The following PBX4 variants were observed in gnomAD, a reference collection of about 807,000 sequenced individuals.
PBX4 encodes the protein PBX homeobox 4.
A neutral mutation model predicts 35.1 loss-of-function variants in PBX4; 26 were observed. That is an observed-to-expected ratio of 0.74 (90% CI 0.54 to 1.03). PBX4 has a LOEUF of 1.03. Among genes scored for constraint, PBX4 ranks in the 50% least tolerant of loss-of-function variants. The pLI is 0.00. For missense variants in PBX4, 448 were observed against 504.3 expected (o/e 0.89, Z 1.07); for synonymous variants, 199 against 204.2 (o/e 0.97, Z 0.22).
intron 2 of PBX4, chr19:19,588,105 C>A: frequency 6.3e-6 from 6 of 948,784 alleles, no homozygotes; most frequent in Non-Finnish European, 8.4e-6. Flanking sequence ...CTTCTTGAAG[C>A]CGTATTTTTT....
chr19:19,594,095 AAAAAT>A (rs1252276973), intron 2 of PBX4, among the ~76,000 whole-genome samples: 3 of 148,400 alleles, frequency 2.0e-5, no homozygotes, highest in South Asian at 2.2e-4. Context: ...AAAAAAAAAA[AAAAAT>A]AAAAAATAAA....
At position 19,599,288 on chromosome 19, in the gene PBX4, C is replaced by T; in HGVS notation, c.193+4G>A. On this transcript the variant is annotated splice_donor_region_variant and intron_variant, in intron 2 of 7. Coordinates refer to ENST00000251203, the MANE Select transcript of PBX4 (RefSeq NM_025245.3). Reference sequence around the variant, plus strand: ...GGCCAGAAAGTGTCTTCTAAACAGCCTACCTGTCTTTTCCTTGATCTCACA... The same window carrying T: ...GGCCAGAAAGTGTCTTCTAAACAGCTTACCTGTCTTTTCCTTGATCTCACA... 2 of 1,611,504 alleles carry T rather than the reference C, an allele frequency of 1.2e-6. No homozygotes were observed. The highest frequency in any genetic ancestry group is 1.7e-6 in the Non-Finnish European group (2 of 1,178,154).
intron 2 of PBX4, among the ~76,000 whole-genome samples, chr19:19,592,658 C>T (rs76258847): frequency 0.015 from 2,267 of 152,274 alleles, 79 homozygotes; most frequent in South Asian, 0.076. Context: ...TCTTCTGAAC[C>T]TCATAAGGGG....
Position 19,563,381 on chromosome 19 carries a change from A to G in PBX4, c.1032+128T>C, listed in dbSNP as rs1380988842. 1 of 697,134 alleles carries G rather than the reference A, an allele frequency of 1.4e-6. No individual in the cohort carries two copies. Among genetic ancestry groups the G allele is most frequent in the Non-Finnish European group, 2.4e-6 (1 of 419,482 alleles). 43.2% of individuals were successfully genotyped at this position (697,134 alleles called of 1,614,324 possible). On this transcript the variant is annotated intron_variant, in intron 7 of 7. Transcript: ENST00000251203. This position sits in a 1 kb window ranked among gnomAD's most constrained non-coding sequence, Gnocchi z 5.1. The stretch of plus-strand genomic sequence containing the variant: ...AGCTGTGCCCCAGAGGTGGCCGCGC[A>G]GCATGGCCTGTGTGGCTGCTGGGAC...
chr19:19,564,629 G>A (rs2061329723), intron 6 of PBX4: 1 of 308,806 alleles, frequency 3.2e-6, no homozygotes, highest in Non-Finnish European at 6.1e-6. Context: ...TCAAACTCCT[G>A]ACCTCAGGTG....
intron 2 of PBX4, among the ~76,000 whole-genome samples, chr19:19,590,746 G>A (rs2061523418): frequency 1.3e-5 from 2 of 152,114 alleles, no homozygotes; most frequent in African/African-American, 4.8e-5. Context: ...TGGAATTACA[G>A]GTGTGAGCCA....
intron 2 of PBX4, among the ~76,000 whole-genome samples, chr19:19,572,682 T>TG (rs1939462855): frequency 6.9e-6 from 1 of 145,402 alleles, no homozygotes; most frequent in Admixed American, 6.9e-5. Flanking sequence ...CCAGCCAACG[T>TG]GGAGAAACGC....
intron 2 of PBX4, among the ~76,000 whole-genome samples, chr19:19,576,812 C>G (rs2061422310): frequency 6.6e-6 from 1 of 152,050 alleles, no homozygotes; most frequent in Middle Eastern, 3.4e-3. Context: ...TGGCATCTCA[C>G]TATGTTGCCC....
intron 1 of PBX4, chr19:19,608,507 TG>T (rs1488407841): frequency 6.6e-6 from 1 of 152,278 alleles, no homozygotes; most frequent in Non-Finnish European, 1.5e-5. Flanking sequence ...TGTACAAGTC[TG>T]GAACAAACCG....
intron 2 of PBX4, among the ~76,000 whole-genome samples, chr19:19,577,043 C>T (rs1043388845): frequency 2.0e-5 from 3 of 152,062 alleles, no homozygotes; most frequent in African/African-American, 7.2e-5. Flanking sequence ...GCCTGGCCAA[C>T]ATGGTGAAAC....
chr19:19,592,246 G>C (rs1231955217), intron 2 of PBX4, among the ~76,000 whole-genome samples: 1 of 152,212 alleles, frequency 6.6e-6, no homozygotes, highest in African/African-American at 2.4e-5. Context: ...CAGGGTCTCA[G>C]CAAAGGGACT....
At chr19:19,568,265 A>ACCCTCAGGGAGCTCACACTCCATCTGTAT (rs2061356698) in intron 5 of PBX4, among the ~76,000 whole-genome samples, 2 of 41,358 alleles carry the variant, frequency 4.8e-5, no homozygotes, top group African/African-American at 2.0e-4. Context: ...TCCATCTGTA[A>ACCCTCAGGGAGCTCACACTCCATCTGTAT]CCCTCAGGGA....
intron 5 of PBX4, among the ~76,000 whole-genome samples, chr19:19,567,594 C>T (rs1418178886): frequency 6.6e-6 from 1 of 152,172 alleles, no homozygotes; most frequent in Non-Finnish European, 1.5e-5. Flanking sequence ...CCCTGTTCCA[C>T]ACACTCATGC....
chr19:19,599,544 A>C (rs1360796167), intron 1 of PBX4, among the ~76,000 whole-genome samples, 179 bp from the exon 2 acceptor site: 1 of 152,184 alleles, frequency 6.6e-6, no homozygotes, highest in Non-Finnish European at 1.5e-5. Flanking sequence ...ATTTGCACAA[A>C]ATCAATATAA....
Position 19,563,952 on chromosome 19 carries a change from C to T in PBX4, c.926-337G>A, listed in dbSNP as rs1223057503. 5 of 203,978 alleles carry T rather than the reference C, an allele frequency of 2.5e-5. No homozygotes were observed. The highest frequency in any genetic ancestry group is 1.4e-4 in the East Asian group (1 of 7,148). 12.6% of individuals were successfully genotyped at this position (203,978 alleles called of 1,614,324 possible). On this transcript the variant is annotated intron_variant, in intron 6 of 7. Coordinates refer to ENST00000251203, the MANE Select transcript of PBX4 (RefSeq NM_025245.3). The surrounding 1 kb of genome is among the most constrained non-coding windows in gnomAD (Gnocchi z 5.1). Reference sequence around the variant, plus strand: ...CCTCCCAAGTAGCTGGGACTACAGGCGCCCACCACCACGCCCAGATAATTT... The same window carrying T: ...CCTCCCAAGTAGCTGGGACTACAGGTGCCCACCACCACGCCCAGATAATTT...
rs534059373 is a variant in PBX4 at position 19,561,956 on chromosome 19, C to T, written c.*69G>A. The T allele has an allele frequency of 7.2e-7, 1 of 1,394,078 alleles. No homozygotes were observed. Among genetic ancestry groups the T allele is most frequent in the Non-Finnish European group, 9.9e-7 (1 of 1,011,334 alleles). The allele number at this position is 1,394,078 out of a possible 1,614,324, so 86.4% of individuals were successfully genotyped here. A position where few individuals can be genotyped will look rare whatever the true frequency, so the allele number is the denominator to read the frequency against. ...TTTCTGAGGTCGTCGGCGGCACGTTCAGTAACAAAGCAACGGCTGGCGATA... is the reference window on the plus strand; with the variant it reads ...TTTCTGAGGTCGTCGGCGGCACGTTTAGTAACAAAGCAACGGCTGGCGATA... On this transcript the variant is annotated 3_prime_UTR_variant, in exon 8 of 8. Coordinates refer to ENST00000251203, the MANE Select transcript of PBX4 (RefSeq NM_025245.3).
At chr19:19,612,797 T>A (rs79143087) in intron 1 of PBX4, among the ~76,000 whole-genome samples, 3,705 of 152,048 alleles carry the variant, frequency 0.024, 153 homozygotes, top group African/African-American at 0.085. Context: ...ACACCTGTGT[T>A]ATCAAGCATG....
chr19:19,613,813 C>T (rs2061675253), intron 1 of PBX4, among the ~76,000 whole-genome samples: 2 of 152,170 alleles, frequency 1.3e-5, no homozygotes, highest in African/African-American at 4.8e-5. Context: ...TCTGGGAACA[C>T]AAAGTATAAT....
At position 19,563,209 on chromosome 19, in the gene PBX4, C is replaced by A. The variant is rs545116535; in HGVS notation, c.1032+300G>T. Among the ~76,000 whole-genome samples the A allele has an allele frequency of 7.2e-5, 11 of 152,298 alleles. No individual in the cohort carries two copies. In the East Asian group the frequency reaches 2.1e-3, roughly 29 times the overall value. The stretch of plus-strand genomic sequence containing the variant: ...CCTCTCGAGGGAAGGACACCATGTC[C>A]TCCCACAGTCCTCTAGGAGGTGCCC... On this transcript the variant is annotated intron_variant, in intron 7 of 7. Transcript: ENST00000251203. This position sits in a 1 kb window ranked among gnomAD's most constrained non-coding sequence, Gnocchi z 5.1.
Sources: allele counts gnomAD v4.1 joint callset (sites outside exome capture counted in the v4.1 genomes callset), GRCh38; gene constraint gnomAD v4.1.1; non-coding constraint Gnocchi (gnomAD v3.1); transcripts MANE v1.5; gene names NCBI Gene and HGNC (gene_info 2026-07-23, HGNC 2026-07-21).